Variants in THSD7A observed in about 807,000 individuals in gnomAD.
THSD7A encodes the protein thrombospondin type 1 domain containing 7A, also known as thrombospondin type-1 domain-containing protein 7A.
THSD7A carries 96 observed loss-of-function variants against 231.3 expected under a neutral mutation model. That is an observed-to-expected ratio of 0.41 (90% CI 0.35 to 0.49). The LOEUF is 0.49. Among genes scored for constraint, THSD7A ranks in the 20% least tolerant of loss-of-function variants. The pLI is 0.05. For synonymous variants in THSD7A, 940 were observed against 743.3 expected (o/e 1.26, Z -4.30); for missense variants, 2,290 against 2,070.2 (o/e 1.11, Z -2.06).
At chr7:11,608,308 A>T (rs984329384) in intron 2 of THSD7A, among the ~76,000 whole-genome samples, 2 of 152,204 alleles carry the variant, frequency 1.3e-5, no homozygotes, top group Non-Finnish European at 2.9e-5. Context: ...AAGATTAGGA[A>T]AGGTAACCAA....
At chr7:11,746,081 G>A (rs60309391) in intron 1 of THSD7A, among the ~76,000 whole-genome samples, 4,044 of 151,984 alleles carry the variant, frequency 0.027, 197 homozygotes, top group African/African-American at 0.093. Flanking sequence ...CCATGAGCAT[G>A]GAATGTTCTT....
At chr7:11,801,187 T>A (rs1358973273) in intron 1 of THSD7A, among the ~76,000 whole-genome samples, 1 of 152,094 alleles carries the variant, frequency 6.6e-6, no homozygotes, top group African/African-American at 2.4e-5. Context: ...TGTGTGCCAT[T>A]TGCATATTAG....
At chr7:11,508,283 A>G (rs1787642332) in intron 6 of THSD7A, among the ~76,000 whole-genome samples, 1 of 152,236 alleles carries the variant, frequency 6.6e-6, no homozygotes, top group African/African-American at 2.4e-5. Context: ...ATTTCTTCAA[A>G]GAAGAAATAC....
At chr7:11,549,226 A>G (rs543846416) in intron 4 of THSD7A, among the ~76,000 whole-genome samples, 1 of 152,268 alleles carries the variant, frequency 6.6e-6, no homozygotes, top group East Asian at 1.9e-4. Context: ...GGCTATTACT[A>G]AAAAGTCAAG....
intron 1 of THSD7A, among the ~76,000 whole-genome samples, chr7:11,755,462 G>T (rs775968112): frequency 6.6e-6 from 1 of 152,040 alleles, no homozygotes; most frequent in Non-Finnish European, 1.5e-5. Context: ...TAGTAAATGG[G>T]GAGAAATGCT....
chr7:11,421,980 GTTTTCTCCAAATTCTTGGCCTTTC>G (rs879594409), intron 16 of THSD7A, among the ~76,000 whole-genome samples: 4 of 152,078 alleles, frequency 2.6e-5, no homozygotes, highest in Non-Finnish European at 4.4e-5. Context: ...AAATTCCTTT[GTTTTCTCCAAATTCTTGGCCTTTC>G]TCCTTTCTAA....
chr7:11,771,053 AT>A (rs1446516059), intron 1 of THSD7A, among the ~76,000 whole-genome samples: 8 of 151,084 alleles, frequency 5.3e-5, no homozygotes, highest in Admixed American at 3.9e-4. Context: ...TTCTTTAAAA[AT>A]TTTTTTCTCA....
rs558600266 is a variant in THSD7A at position 11,444,538 on chromosome 7, T to A, written c.3064+1523A>T. On this transcript the variant is annotated intron_variant, in intron 13 of 27. Transcript: ENST00000423059. The surrounding 1 kb of genome is among the most constrained non-coding windows in gnomAD (Gnocchi z 4.2). ...AACTCTGCATGTTCTCACTCAAAAG[T>A]GAAAGTTGAACAATAAGAACACATG... Among the ~76,000 whole-genome samples the A allele has an allele frequency of 3.3e-4, 50 of 151,424 alleles. No individual in the cohort carries two copies. Among genetic ancestry groups the A allele is most frequent in the African/African-American group, 1.0e-3 (42 of 41,198 alleles).
At chr7:11,554,957 A>G (rs1789784827) in intron 4 of THSD7A, among the ~76,000 whole-genome samples, 1 of 151,512 alleles carries the variant, frequency 6.6e-6, no homozygotes, top group Non-Finnish European at 1.5e-5. Flanking sequence ...ACATTTCCCT[A>G]TTTCATTCCT....
chr7:11,546,870 C>G (rs1789422538), intron 4 of THSD7A, among the ~76,000 whole-genome samples: 1 of 152,038 alleles, frequency 6.6e-6, no homozygotes, highest in Non-Finnish European at 1.5e-5. Flanking sequence ...ACAAACTGAT[C>G]TAATAGATCT....
rs1003786798 is a variant in THSD7A, at chr7:11,474,653, T to G, written c.2018-85A>C. 8.8e-7 allele frequency: 1 copy of G among 1,136,034 alleles called. No homozygotes were observed. The highest frequency in any genetic ancestry group is 2.8e-5 in the Admixed American group (1 of 35,134). The allele number at this position is 1,136,034 out of a possible 1,614,324, so 70.4% of individuals were successfully genotyped here. A position where few individuals can be genotyped will look rare whatever the true frequency, so the allele number is the denominator to read the frequency against. Reference sequence around the variant, plus strand: ...TCTGTTCTTTGGAATTAACATGGCTTAGAAATAAAAAGTGACTTTTCTTCC... The same window carrying G: ...TCTGTTCTTTGGAATTAACATGGCTGAGAAATAAAAAGTGACTTTTCTTCC... On this transcript the variant is annotated intron_variant, in intron 7 of 27. Transcript: ENST00000423059. This position sits in a 1 kb window ranked among gnomAD's most constrained non-coding sequence, Gnocchi z 4.1.
intron 1 of THSD7A, among the ~76,000 whole-genome samples, chr7:11,777,664 T>C (rs7783055): frequency 0.51 from 77,215 of 151,958 alleles, 19,772 homozygotes; most frequent in East Asian, 0.62. Context: ...AATTCTAGAA[T>C]TCCCTATGAC....
chr7:11,439,275 T>A (rs1383776203), intron 13 of THSD7A, among the ~76,000 whole-genome samples: 1 of 152,032 alleles, frequency 6.6e-6, no homozygotes. Context: ...CCTTATTTTA[T>A]TGGGCTTTGC....
chr7:11,636,596 C>A lies in THSD7A; in HGVS notation c.556G>T (p.Ala186Ser). 3.7e-6 allele frequency: 6 copies of A among 1,614,006 alleles called. No homozygotes were observed. The highest frequency in any genetic ancestry group is 5.1e-6 in the Non-Finnish European group (6 of 1,179,894). Reference protein sequence around the residue: ...YFEPKPLLEQACLIPCQQDCI... With the variant: ...YFEPKPLLEQSCLIPCQQDCI... ...TCTTGCTGGCAAGGAATGAGGCAAG[C>A]CTGCTCCAGGAGAGGCTTGGGCTCA... is the stretch of plus-strand genomic sequence containing the variant. The change falls in exon 2 of 28, where the codon GCT becomes TCT. Residue 186 changes from alanine to serine, a missense_variant. Physicochemically the swap from Ala to Ser is moderately conservative, Grantham distance 99. Coordinates refer to ENST00000423059, the MANE Select transcript of THSD7A (RefSeq NM_015204.3). This position sits in a 1 kb window ranked among gnomAD's most constrained non-coding sequence, Gnocchi z 10.0.
intron 24 of THSD7A, 96 bp downstream of exon 24, chr7:11,382,425 G>A: frequency 9.7e-7 from 1 of 1,031,348 alleles, no homozygotes; most frequent in South Asian, 1.4e-5. Flanking sequence ...TTTGAATACT[G>A]AAAGAGTAAC....
intron 1 of THSD7A, among the ~76,000 whole-genome samples, chr7:11,749,518 G>A (rs557060470): frequency 1.3e-5 from 2 of 152,104 alleles, no homozygotes; most frequent in East Asian, 3.9e-4. Flanking sequence ...GTGTATGTTT[G>A]ACTCAGACAA....
At chr7:11,488,947 C>T (rs1202552491) in intron 6 of THSD7A, among the ~76,000 whole-genome samples, 2 of 145,830 alleles carry the variant, frequency 1.4e-5, no homozygotes, top group Non-Finnish European at 3.0e-5. Flanking sequence ...CGGTTTTCTT[C>T]CTCTGTGAAC....
intron 6 of THSD7A, among the ~76,000 whole-genome samples, chr7:11,495,248 C>T (rs1787051461): frequency 2.6e-5 from 4 of 152,144 alleles, no homozygotes; most frequent in South Asian, 4.1e-4. Flanking sequence ...AAATACGTAA[C>T]ATCCTGTATG....
At chr7:11,768,663 G>C (rs1783106618) in intron 1 of THSD7A, among the ~76,000 whole-genome samples, 1 of 152,128 alleles carries the variant, frequency 6.6e-6, no homozygotes, top group Non-Finnish European at 1.5e-5. Flanking sequence ...CATTAAAAAG[G>C]TGTCGGCAGA....
Sources: allele counts gnomAD v4.1 joint callset (sites outside exome capture counted in the v4.1 genomes callset), GRCh38; gene constraint gnomAD v4.1.1; non-coding constraint Gnocchi (gnomAD v3.1); transcripts MANE v1.5; gene names NCBI Gene and HGNC (gene_info 2026-07-23, HGNC 2026-07-21).